Variants in RYR1 observed in about 807,000 individuals in gnomAD.
RYR1 encodes central core disease of muscle.
Under a neutral mutation model 583.5 loss-of-function variants are expected in RYR1, and 342 were observed. The observed-to-expected ratio is 0.59, with a 90% confidence interval of 0.54 to 0.64. The LOEUF (loss-of-function observed/expected upper bound fraction) is 0.64, where lower values mean the gene tolerates loss of function less well. RYR1 is among the 30% of genes least tolerant of loss of function. The pLI is 0.00. For missense variants in RYR1, 6,032 were observed against 6,917.2 expected (o/e 0.87, Z 4.54); for synonymous variants, 2,791 against 2,822.5 (o/e 0.99, Z 0.35).
intron 7 of RYR1, among the ~76,000 whole-genome samples, chr19:38,445,823 C>T (rs1375890294): frequency 6.6e-6 from 1 of 152,104 alleles, no homozygotes; most frequent in Non-Finnish European, 1.5e-5. Flanking sequence ...AACCCCATCT[C>T]TACTAAAAAT....
At chr19:38,490,946 A>G (rs1423411288) in intron 37 of RYR1, among the ~76,000 whole-genome samples, 1 of 152,248 alleles carries the variant, frequency 6.6e-6, no homozygotes, top group African/African-American at 2.4e-5. Flanking sequence ...TAAGCCAGAT[A>G]AATGAATGGG....
intron 29 of RYR1, among the ~76,000 whole-genome samples, chr19:38,476,133 C>T (rs995874135): frequency 6.6e-6 from 1 of 152,134 alleles, no homozygotes; most frequent in Non-Finnish European, 1.5e-5. Flanking sequence ...AACGATTCTC[C>T]TGCCTCAGCC....
intron 25 of RYR1, among the ~76,000 whole-genome samples, chr19:38,468,695 G>T (rs1476708034): frequency 6.6e-6 from 1 of 152,108 alleles, no homozygotes; most frequent in Non-Finnish European, 1.5e-5. Context: ...TACCACTTTG[G>T]TGGTCTGCAT....
intron 14 of RYR1, 24 bp downstream of exon 14, chr19:38,455,394 C>T (rs778154136): frequency 6.2e-7 from 1 of 1,614,064 alleles, no homozygotes; most frequent in South Asian, 1.1e-5. Context: ...TCCTGACTCC[C>T]CTGAGAACAC....
chr19:38,516,366 C>T lies in RYR1; in HGVS notation c.9685+149C>T. Reference sequence around the variant, plus strand: ...GTTGGGAGTGCCACACATTCAGGAACCCCAGAGTTTATGGTTCGGGGGCAT... The same window carrying T: ...GTTGGGAGTGCCACACATTCAGGAATCCCAGAGTTTATGGTTCGGGGGCAT... On this transcript the variant is annotated intron_variant, in intron 65 of 105. Transcript: ENST00000359596. 3.4e-6 allele frequency: 3 copies of T among 877,320 alleles called. No individual in the cohort carries two copies. The South Asian group carries it at 5.4e-5, about 16-fold the overall frequency. The allele number at this position is 877,320 out of a possible 1,614,324, so 54.3% of individuals were successfully genotyped here. A position where few individuals can be genotyped will look rare whatever the true frequency, so the allele number is the denominator to read the frequency against.
intron 89 of RYR1, 73 bp downstream of exon 89, chr19:38,548,493 G>A: frequency 6.9e-7 from 1 of 1,442,638 alleles, no homozygotes; most frequent in Non-Finnish European, 9.7e-7. Context: ...CTTCTGGCTG[G>A]CTGCCTCAGG....
In RYR1 at chr19:38,458,216, C is replaced by A; in HGVS notation, c.2091C>A (p.Ala697=). The stretch of plus-strand genomic sequence containing the variant: ...AGGGCTACACCCCCTACCCTGGGGC[C>A]GGCGAGGGCTGGGGCGGCAACGGGG... ...LTEGYTPYPG[A]GEGWGGNGVG... Residue 697 remains alanine, a synonymous_variant, in exon 18 of 106, where the codon GCC becomes GCA. Coordinates refer to ENST00000359596, the MANE Select transcript of RYR1 (RefSeq NM_000540.3). The A allele has an allele frequency of 6.2e-7, 1 of 1,613,982 alleles. No homozygotes were observed. Among genetic ancestry groups the A allele is most frequent in the Non-Finnish European group, 8.5e-7 (1 of 1,180,020 alleles).
At chr19:38,449,761 T>C (rs1477103055) in intron 11 of RYR1, among the ~76,000 whole-genome samples, 1 of 152,186 alleles carries the variant, frequency 6.6e-6, no homozygotes, top group Non-Finnish European at 1.5e-5. Context: ...GCTTGGCTTG[T>C]TGCAGTAGCA....
chr19:38,508,240 G>T (rs942722816), intron 58 of RYR1, among the ~76,000 whole-genome samples: 2 of 150,572 alleles, frequency 1.3e-5, no homozygotes, highest in Non-Finnish European at 3.0e-5. Flanking sequence ...ACAGAGTTTC[G>T]ATCTTGCTGC....
Position 38,446,523 on chromosome 19 carries a change from A to T in RYR1, c.683A>T (p.Glu228Val). 6.2e-7 allele frequency: 1 copy of T among 1,614,154 alleles called. No homozygotes were observed. The highest frequency in any genetic ancestry group is 8.5e-7 in the Non-Finnish European group (1 of 1,180,018). ...VLRLFHGHMD[E>V]CLTISPADSD... The stretch of plus-strand genomic sequence containing the variant: ...CGCCTCTTTCATGGACATATGGATG[A>T]GTGTCTGACCATTTCCCCTGCTGAC... Residue 228 changes from glutamate (E) to valine (V), a missense_variant, in exon 8 of 106, where the codon GAG (glutamate) becomes GTG (valine). Glu to Val is a moderately radical substitution (Grantham distance 121). Coordinates refer to ENST00000359596, the MANE Select transcript of RYR1 (RefSeq NM_000540.3).
At chr19:38,482,960 G>A (rs1003352379) in intron 31 of RYR1, 67 bp from the exon 32 acceptor site, 1 of 1,382,678 alleles carries the variant, frequency 7.2e-7, no homozygotes, top group Admixed American at 1.7e-5. Flanking sequence ...CCCAGAGTTT[G>A]AGGTCCAGAG....
intron 89 of RYR1, among the ~76,000 whole-genome samples, chr19:38,550,099 A>G (rs1972603545): frequency 6.6e-6 from 1 of 152,030 alleles, no homozygotes; most frequent in Non-Finnish European, 1.5e-5. Context: ...ATCTCCTGAG[A>G]ACAAATTCAT....
chr19:38,495,351 T>C (rs1050823457), intron 39 of RYR1, among the ~76,000 whole-genome samples: 3 of 152,142 alleles, frequency 2.0e-5, no homozygotes, highest in Non-Finnish European at 4.4e-5. Flanking sequence ...GCCAGGCATT[T>C]CTAGGTGTTT....
At position 38,466,163 on chromosome 19, in the gene RYR1, G is replaced by A. The variant is rs2228069; in HGVS notation, c.2943G>A (p.Thr981=). 969,041 of 1,612,930 alleles carry A rather than the reference G, an allele frequency of 0.6. 293,575 individuals carry two copies. Among genetic ancestry groups the A allele is most frequent in the Admixed American group, 0.68 (40,513 of 59,876 alleles). The change falls in exon 24 of 106, where the codon ACG becomes ACA. Residue 981 remains threonine, a synonymous_variant. Transcript: ENST00000359596. ...ACGTGCGGCTGACGCCGGCGCAGAC[G>A]ACACTGGTGGACCGTCTGGCAGAAA... The part of the protein sequence containing the change: ...LSHVRLTPAQ[T]TLVDRLAENG...
At chr19:38,455,967 G>GC (rs1491260775) in intron 16 of RYR1, among the ~76,000 whole-genome samples, 1 of 108,484 alleles carries the variant, frequency 9.2e-6, no homozygotes, top group African/African-American at 3.8e-5. Context: ...TCTCTGAAAT[G>GC]TTTTTTTTTT....
In RYR1 at chr19:38,565,612, G is replaced by A. The variant is rs2145846990; in HGVS notation, c.13278G>A (p.Val4426=). 2 of 1,435,254 alleles carry A rather than the reference G, an allele frequency of 1.4e-6. No individual in the cohort carries two copies. Among genetic ancestry groups the A allele is most frequent in the African/African-American group, 1.5e-5 (1 of 67,352 alleles). The allele number at this position is 1,435,254 out of a possible 1,614,324, so 88.9% of individuals were successfully genotyped here. Residue 4426 remains valine, a synonymous_variant, in exon 91 of 106, where the codon GTG becomes GTA. Transcript: ENST00000359596. This position sits in a 1 kb window ranked among gnomAD's most constrained non-coding sequence, Gnocchi z 4.7. ...AEGAGDEEEA[V]HEAGPGGADG... ...GCGCTGGAGACGAGGAGGAGGCGGT[G>A]CACGAGGCCGGGCCGGGCGGTGCCG...
rs374630822 is a variant in RYR1 at position 38,496,305 on chromosome 19, C to T, written c.6639C>T (p.Asn2213=). The stretch of plus-strand genomic sequence containing the variant: ...AGACGGTCATGGAGGTCATGGTCAA[C>T]GTCCTCGGGGGCGGCGAGTCCAAGG... ...MHETVMEVMV[N]VLGGGESKEI... is the part of the protein sequence containing the mutation. Residue 2213 remains asparagine (N), a synonymous_variant, in exon 40 of 106, where the codon AAC becomes AAT. Transcript: ENST00000359596. This position sits in a 1 kb window ranked among gnomAD's most constrained non-coding sequence, Gnocchi z 4.8. The T allele has an allele frequency of 1.7e-4, 270 of 1,613,914 alleles. No homozygotes were observed. Among genetic ancestry groups the T allele is most frequent in the Admixed American group, 2.2e-4 (13 of 60,002 alleles).
intron 19 of RYR1, 131 bp downstream of exon 19, chr19:38,459,469 A>G (rs930437430): frequency 1.5e-5 from 13 of 852,966 alleles, no homozygotes; most frequent in Middle Eastern, 6.1e-4. Flanking sequence ...ACTGGTGTCC[A>G]GAACCCTTAC....
intron 89 of RYR1, among the ~76,000 whole-genome samples, chr19:38,549,982 C>T (rs911749236): frequency 6.6e-6 from 1 of 150,756 alleles, no homozygotes; most frequent in Non-Finnish European, 1.5e-5. Context: ...TCTTGAACTC[C>T]TGGCCTCAAG....
Sources: allele counts gnomAD v4.1 joint callset (sites outside exome capture counted in the v4.1 genomes callset), GRCh38; gene constraint gnomAD v4.1.1; non-coding constraint Gnocchi (gnomAD v3.1); transcripts MANE v1.5; gene names NCBI Gene and HGNC (gene_info 2026-07-23, HGNC 2026-07-21).